MEGF10: variants seen among roughly 807,000 people sequenced by gnomAD.
MEGF10 encodes multiple epidermal growth factor-like domains protein 10.
MEGF10 carries 86 observed loss-of-function variants against 147.5 expected under a neutral mutation model. That is an observed-to-expected ratio of 0.58 (90% CI 0.49 to 0.70). MEGF10 has a LOEUF of 0.70. Among genes scored for constraint, MEGF10 ranks in the 30% least tolerant of loss-of-function variants. The probability of loss-of-function intolerance (pLI) is 0.00; values close to 1 mark genes in which losing one functional copy is unlikely to be tolerated. For missense variants in MEGF10, 1,329 were observed against 1,487.3 expected, an observed-to-expected ratio of 0.89 and a Z score of 1.75; for synonymous variants, 478 against 525.5, an observed-to-expected ratio of 0.91 and a Z score of 1.24.
At chr5:127,309,510 C>G (rs1397765415) in intron 1 of MEGF10, among the ~76,000 whole-genome samples, 1 of 152,182 alleles carries the variant, frequency 6.6e-6, no homozygotes, top group Non-Finnish European at 1.5e-5. Context: ...TTTGACTACT[C>G]TATGTACTTC....
chr5:127,408,278 A>G (rs1027690179), intron 8 of MEGF10, among the ~76,000 whole-genome samples: 4 of 152,192 alleles, frequency 2.6e-5, no homozygotes, highest in African/African-American at 9.7e-5. Context: ...AAAACTTAAC[A>G]TTTGGGTTTG....
chr5:127,443,238 T>G, intron 19 of MEGF10, 112 bp downstream of exon 19: 3 of 1,138,668 alleles, frequency 2.6e-6, no homozygotes, highest in Non-Finnish European at 3.5e-6. Context: ...ACCACAACTC[T>G]AAATGGCATA....
chr5:127,390,162 A>C (rs898211067), intron 5 of MEGF10, among the ~76,000 whole-genome samples: 1 of 152,160 alleles, frequency 6.6e-6, no homozygotes, highest in East Asian at 1.9e-4. Flanking sequence ...TCTCTTTCTC[A>C]TTTTAACCCT....
the MEGF10 span, among the ~76,000 whole-genome samples, chr5:127,283,353 G>C: frequency 2.0e-5 from 3 of 152,054 alleles, no homozygotes; most frequent in Non-Finnish European, 4.4e-5. Flanking sequence ...TTTAAAAAAA[G>C]CAATTTCAGG....
At chr5:127,239,465 TA>T in the MEGF10 span, among the ~76,000 whole-genome samples, 1 of 143,226 alleles carries the variant, frequency 7.0e-6, no homozygotes, top group Non-Finnish European at 1.5e-5. Flanking sequence ...ATATAAAATA[TA>T]TATATATATA....
At chr5:127,405,043 C>G (rs987305787) in intron 8 of MEGF10, among the ~76,000 whole-genome samples, 4 of 152,078 alleles carry the variant, frequency 2.6e-5, no homozygotes, top group East Asian at 3.9e-4. Context: ...TTGTGCTTCT[C>G]TCTAGGGTTG....
intron 1 of MEGF10, among the ~76,000 whole-genome samples, chr5:127,317,623 C>T (rs1349572060): frequency 6.6e-6 from 1 of 152,070 alleles, no homozygotes; most frequent in African/African-American, 2.4e-5. Context: ...AGCTGGAAAC[C>T]ATCATTCTGA....
At chr5:127,359,349 T>G (rs80090139) in intron 4 of MEGF10, among the ~76,000 whole-genome samples, 3 of 137,596 alleles carry the variant, frequency 2.2e-5, no homozygotes, top group African/African-American at 6.9e-5. Context: ...TACTCTAGGG[T>G]TTTTTTTTGT....
chr5:127,442,854 C>A (rs1055418983), intron 18 of MEGF10, 144 bp from the exon 19 acceptor site: 1 of 760,770 alleles, frequency 1.3e-6, no homozygotes, highest in Non-Finnish European at 2.1e-6. Flanking sequence ...CTGTCCAGTT[C>A]TGGGACACTC....
Position 127,434,706 on chromosome 5 carries a change from T to C in MEGF10, c.1860T>C (p.Tyr620=), listed in dbSNP as rs750406464. 1.2e-6 allele frequency: 2 copies of C among 1,612,772 alleles called. No homozygotes were observed. Among genetic ancestry groups the C allele is most frequent in the South Asian group, 2.2e-5 (2 of 90,918 alleles). ...TTTCAGTCTGCTCCCCTGGTTTTTA[T>C]GGGCATCGCTGCAGCCAGACATGCC... ...TCQRICSPGF[Y]GHRCSQTCPQ... is the part of the protein sequence containing the mutation. The change falls in exon 15 of 25, where the codon TAT becomes TAC. Residue 620 remains tyrosine (Y), a synonymous_variant. Transcript: ENST00000503335.
the MEGF10 span, among the ~76,000 whole-genome samples, chr5:127,247,389 GAA>G: frequency 3.4e-5 from 1 of 29,654 alleles, no homozygotes; most frequent in African/African-American, 1.4e-4. Context: ...AGAAGAAGAA[GAA>G]GAAGAAGAAG....
rs567653321 is a variant in MEGF10, at chr5:127,364,849, C to G, written c.320-5061C>G. On this transcript the variant is annotated intron_variant, in intron 4 of 24. Coordinates refer to ENST00000503335, the MANE Select transcript of MEGF10 (RefSeq NM_001256545.2). Reference sequence around the variant, plus strand: ...CTCTATCATCCTTTTCACCCCTACTCCCTCTCACTCCCATTAAAATCCATC... The same window carrying G: ...CTCTATCATCCTTTTCACCCCTACTGCCTCTCACTCCCATTAAAATCCATC... 1.4e-4 allele frequency among the ~76,000 whole-genome samples: 21 copies of G among 152,278 alleles called. No individual in the cohort carries two copies. In the South Asian group the frequency reaches 4.4e-3, roughly 32 times the overall value.
At chr5:127,354,555 G>A (rs575420825) in intron 4 of MEGF10, among the ~76,000 whole-genome samples, 13 of 152,218 alleles carry the variant, frequency 8.5e-5, no homozygotes, top group African/African-American at 2.4e-4. Flanking sequence ...TTTCTGCCAC[G>A]GGATTGGAGT....
At chr5:127,235,682 A>G in the MEGF10 span, among the ~76,000 whole-genome samples, 1 of 152,202 alleles carries the variant, frequency 6.6e-6, no homozygotes, top group East Asian at 1.9e-4. Context: ...CTGAGTACTG[A>G]CAATTGATTT....
At chr5:127,385,734 C>G (rs1298158018) in intron 5 of MEGF10, among the ~76,000 whole-genome samples, 1 of 152,172 alleles carries the variant, frequency 6.6e-6, no homozygotes, top group Non-Finnish European at 1.5e-5. Flanking sequence ...AGAGATGTAT[C>G]TTAAAGTTCT....
intron 2 of MEGF10, 121 bp from the exon 3 acceptor site, chr5:127,338,999 G>A (rs1761573375): frequency 6.0e-6 from 3 of 502,146 alleles, no homozygotes; most frequent in Non-Finnish European, 1.0e-5. Flanking sequence ...GAAATTGTCT[G>A]TTAAAAGTCA....
intron 1 of MEGF10, among the ~76,000 whole-genome samples, chr5:127,324,207 T>G (rs572417396): frequency 6.6e-6 from 1 of 152,198 alleles, no homozygotes; most frequent in South Asian, 2.1e-4. Flanking sequence ...GGGCTTTTAT[T>G]TTGGTGGACA....
Position 127,322,012 on chromosome 5 carries a change from C to T in MEGF10, c.-18-9279C>T, listed in dbSNP as rs80302569. Among the ~76,000 whole-genome samples, 636 of 149,540 alleles carry T rather than the reference C, an allele frequency of 4.3e-3. 3 individuals carry two copies. Among genetic ancestry groups the T allele is most frequent in the African/African-American group, 0.015 (620 of 40,482 alleles). On this transcript the variant is annotated intron_variant, in intron 1 of 24. Coordinates refer to ENST00000503335, the MANE Select transcript of MEGF10 (RefSeq NM_001256545.2). ...TGTTATGATTGGATTTTTTCCCCTG[C>T]TTGTATCATCAGAGGATTGGTCAAA...
intron 7 of MEGF10, among the ~76,000 whole-genome samples, chr5:127,400,855 G>A (rs1001410698): frequency 2.6e-5 from 4 of 152,058 alleles, no homozygotes; most frequent in Admixed American, 2.6e-4. Context: ...CTTCAAAAAT[G>A]CTTCAGTTTG....
Sources: allele counts gnomAD v4.1 joint callset (sites outside exome capture counted in the v4.1 genomes callset), GRCh38; gene constraint gnomAD v4.1.1; transcripts MANE v1.5; gene names NCBI Gene and HGNC (gene_info 2026-07-23, HGNC 2026-07-21).